The following HMMR variants were observed in gnomAD, a reference collection of about 807,000 sequenced individuals.
HMMR encodes hyaluronan mediated motility receptor, also known as intracellular hyaluronic acid-binding protein.
In HMMR, 108 loss-of-function variants were observed where a neutral mutation model predicts 101.0. That is an observed-to-expected ratio of 1.07 (90% CI 0.92 to 1.25). The LOEUF is 1.25. HMMR is among the 50% of genes most tolerant of loss of function. The pLI, the probability that HMMR is intolerant of heterozygous loss-of-function variation, is 0.00. For missense variants in HMMR, 813 were observed against 788.7 expected (o/e 1.03, Z -0.37); for synonymous variants, 296 against 276.4 (o/e 1.07, Z -0.70).
At chr5:163,478,625 C>T in intron 11 of HMMR, 59 bp from the exon 12 acceptor site, 1 of 959,272 alleles carries the variant, frequency 1.0e-6, no homozygotes, top group Non-Finnish European at 1.7e-6. Context: ...ATACTATTTT[C>T]TTTCTTAGGG....
intron 16 of HMMR, among the ~76,000 whole-genome samples, chr5:163,486,273 TA>T (rs1385098233): frequency 6.6e-6 from 1 of 152,234 alleles, no homozygotes; most frequent in Admixed American, 6.5e-5. Context: ...GAATATGGGA[TA>T]TTTTTCCAAT....
Position 163,464,705 on chromosome 5 carries a change from CA to C in HMMR, c.146-16del, listed in dbSNP as rs752148664. 2 of 1,526,962 alleles carry C rather than the reference CA, an allele frequency of 1.3e-6. No homozygotes were observed. Among genetic ancestry groups the C allele is most frequent in the Non-Finnish European group, 1.8e-6 (2 of 1,102,172 alleles). The allele number at this position is 1,526,962 out of a possible 1,614,324, so 94.6% of individuals were successfully genotyped here. ...ACATTGACATCAACCATGATCTGTA[CA>C]ATTCATTTTTCCGCAGAATCTAAAC... On this transcript the variant is annotated splice_polypyrimidine_tract_variant and intron_variant, in intron 2 of 17. Transcript: ENST00000393915.
chr5:163,468,976 C>T (rs1227437554), intron 4 of HMMR, among the ~76,000 whole-genome samples: 5 of 151,872 alleles, frequency 3.3e-5, no homozygotes, highest in Non-Finnish European at 7.4e-5. Context: ...GCTCTGCCTT[C>T]TTGAAATAAA....
rs1168521487 is a variant in HMMR, at chr5:163,471,094, C to T, written c.463-91C>T. ...TATATTAAAGTCAAAAACATAACCCCAGTGATAGGTAGAAAAATCAATATT... is the reference window on the plus strand; with the variant it reads ...TATATTAAAGTCAAAAACATAACCCTAGTGATAGGTAGAAAAATCAATATT... On this transcript the variant is annotated intron_variant, in intron 5 of 17. Transcript: ENST00000393915. 3 of 757,906 alleles carry T rather than the reference C, an allele frequency of 4.0e-6. No homozygotes were observed. The African/African-American group carries it at 5.3e-5, about 13-fold the overall frequency. The allele number at this position is 757,906 out of a possible 1,614,324, so 46.9% of individuals were successfully genotyped here.
chr5:163,482,430 C>G (rs529231599), intron 12 of HMMR, among the ~76,000 whole-genome samples: 1 of 152,224 alleles, frequency 6.6e-6, no homozygotes, highest in South Asian at 2.1e-4. Context: ...CTAGTAGGCA[C>G]TTGATTTTTT....
chr5:163,477,076 G>C (rs1759091507), intron 11 of HMMR, among the ~76,000 whole-genome samples: 1 of 152,220 alleles, frequency 6.6e-6, no homozygotes, highest in Middle Eastern at 3.4e-3. Flanking sequence ...CCGAACTCTA[G>C]TTCCTTATAA....
At chr5:163,478,089 A>G (rs565699549) in intron 11 of HMMR, among the ~76,000 whole-genome samples, 27 of 152,234 alleles carry the variant, frequency 1.8e-4, no homozygotes, top group Non-Finnish European at 3.4e-4. Context: ...TTTTATCACC[A>G]CTTTGGAAAT....
At chr5:163,491,083 C>G (rs371588281) in intron 17 of HMMR, 29 bp from the exon 18 acceptor site, 35 of 1,402,176 alleles carry the variant, frequency 2.5e-5, no homozygotes, top group African/African-American at 5.9e-5. Context: ...ATCTAGATTA[C>G]TAATCCTTCT....
chr5:163,463,078 A>G (rs1758591420), intron 1 of HMMR, among the ~76,000 whole-genome samples: 1 of 150,898 alleles, frequency 6.6e-6, no homozygotes, highest in South Asian at 2.1e-4. Context: ...CAGGTCTGCT[A>G]TGTGTATTTA....
chr5:163,466,389 C>T, intron 3 of HMMR, among the ~76,000 whole-genome samples: 1 of 152,196 alleles, frequency 6.6e-6, no homozygotes. Flanking sequence ...GCCTCATATT[C>T]TGTAATATAG....
At chr5:163,491,036 C>T in intron 17 of HMMR, 76 bp from the exon 18 acceptor site, 2 of 740,790 alleles carry the variant, frequency 2.7e-6, no homozygotes, top group Non-Finnish European at 4.4e-6. Context: ...GATACAAGGC[C>T]TGTTTTTAGT....
chr5:163,473,520 T>A lies in HMMR; in HGVS notation c.867T>A (p.Asp289Glu). ...TTATATTATCTAAACAAGTAGAAGA[T>A]CTAAATGTGAAATGTCAGCTGCTTG... ...NIVILSKQVEDLNVKCQLLEK... is the reference protein window; with the variant it reads ...NIVILSKQVEELNVKCQLLEK... The change falls in exon 9 of 18, where the codon GAT becomes GAA. Residue 289 changes from aspartate to glutamate, a missense_variant. Physicochemically the swap from Asp to Glu is conservative, Grantham distance 45. Coordinates refer to ENST00000393915, the MANE Select transcript of HMMR (RefSeq NM_001142556.2). 1 of 1,583,660 alleles carries A rather than the reference T, an allele frequency of 6.3e-7. No homozygotes were observed. Among genetic ancestry groups the A allele is most frequent in the Non-Finnish European group, 8.6e-7 (1 of 1,163,304 alleles).
At chr5:163,491,036 C>A in intron 17 of HMMR, 76 bp from the exon 18 acceptor site, 1 of 740,790 alleles carries the variant, frequency 1.3e-6, no homozygotes, top group South Asian at 2.0e-5. Flanking sequence ...GATACAAGGC[C>A]TGTTTTTAGT....
At position 163,473,390 on chromosome 5, in the gene HMMR, A is replaced by T; in HGVS notation, c.737A>T (p.Asp246Val). The change falls in exon 9 of 18, where the codon GAT becomes GTT. Residue 246 changes from aspartate (D) to valine (V), a missense_variant. By Grantham distance (152) the Asp-to-Val change is radical. Coordinates refer to ENST00000393915, the MANE Select transcript of HMMR (RefSeq NM_001142556.2). ...TTGTTTTAATGCAGTTGTGCTTCAG[A>T]TCAAGTGGAAAAATACAAGCTAGAT... is the stretch of plus-strand genomic sequence containing the variant. ...EYIEEISCAS[D>V]QVEKYKLDIA... 1 of 1,609,748 alleles carries T rather than the reference A, an allele frequency of 6.2e-7. No homozygotes were observed. The highest frequency in any genetic ancestry group is 8.5e-7 in the Non-Finnish European group (1 of 1,177,918).
At position 163,483,324 on chromosome 5, in the gene HMMR, G is replaced by A. The variant is rs759515223; in HGVS notation, c.1742G>A (p.Arg581His). ...TTAACTGAAGAAATTAACAAGTGGCGTCTCCTCTATGAAGAACTATATAAT... is the reference window on the plus strand; with the variant it reads ...TTAACTGAAGAAATTAACAAGTGGCATCTCCTCTATGAAGAACTATATAAT... ...AELTEEINKW[R>H]LLYEELYNKT... Residue 581 changes from arginine to histidine, a missense_variant, in exon 15 of 18, where the codon CGT (arginine) becomes CAT (histidine). Transcript: ENST00000393915. The A allele has an allele frequency of 2.5e-5, 41 of 1,609,016 alleles. No individual in the cohort carries two copies. The highest frequency in any genetic ancestry group is 1.7e-4 in the Middle Eastern group (1 of 6,050).
chr5:163,475,849 AATGTAC>A lies in HMMR; in HGVS notation c.1268+181_1268+186del, dbSNP rs796558615. Reference sequence around the variant, plus strand: ...TAGTAGACACAGAATGTGAACACAAAATGTACATGCAAACAAGTAAGACAGCCCCCT... The same window carrying A: ...TAGTAGACACAGAATGTGAACACAAAATGCAAACAAGTAAGACAGCCCCCT... On this transcript the variant is annotated intron_variant, in intron 11 of 17. Transcript: ENST00000393915. Among the ~76,000 whole-genome samples, 21 of 152,350 alleles carry A rather than the reference AATGTAC, an allele frequency of 1.4e-4. No homozygotes were observed. In the South Asian group the frequency reaches 4.3e-3, roughly 32 times the overall value.
intron 16 of HMMR, among the ~76,000 whole-genome samples, chr5:163,485,660 T>C (rs878892473): frequency 6.6e-6 from 1 of 152,224 alleles, no homozygotes; most frequent in Non-Finnish European, 1.5e-5. Context: ...CAAAAAACTT[T>C]TATGACGTCC....
At chr5:163,469,467 A>G (rs1012753882) in intron 4 of HMMR, among the ~76,000 whole-genome samples, 174 bp from the exon 5 acceptor site, 1 of 152,222 alleles carries the variant, frequency 6.6e-6, no homozygotes, top group African/African-American at 2.4e-5. Context: ...AAGACTTTTA[A>G]GATGTATCAT....
In HMMR at chr5:163,490,452, GGAATT is replaced by G. The variant is rs1341387270; in HGVS notation, c.2030_2034del (p.Leu677Ter). 2.5e-6 allele frequency: 4 copies of G among 1,597,900 alleles called. No homozygotes were observed. The highest frequency in any genetic ancestry group is 1.7e-4 in the Middle Eastern group (1 of 6,040). The stretch of plus-strand genomic sequence containing the variant: ...AACAAAGTGAGACAAAACTTCAAGA[GGAATT>G]GAATAAAGTTCTAGGTATCAAACAC... On this transcript the variant is annotated frameshift_variant, in exon 17 of 18. Coordinates refer to ENST00000393915, the MANE Select transcript of HMMR (RefSeq NM_001142556.2). LOFTEE classifies it high-confidence loss of function.
Sources: allele counts gnomAD v4.1 joint callset (sites outside exome capture counted in the v4.1 genomes callset), GRCh38; gene constraint gnomAD v4.1.1; transcripts MANE v1.5; gene names NCBI Gene and HGNC (gene_info 2026-07-23, HGNC 2026-07-21).